The following KIF13A variants were observed in gnomAD, a reference collection of about 807,000 sequenced individuals.
KIF13A encodes the protein kinesin family member 13A, also known as kinesin-like protein KIF13A.
KIF13A carries 79 observed loss-of-function variants against 212.2 expected under a neutral mutation model. The ratio of observed to expected loss-of-function variants is 0.37; its 90% confidence interval spans 0.31 to 0.45. KIF13A has a LOEUF of 0.45. KIF13A is among the 20% of genes least tolerant of loss of function. The pLI, the probability that KIF13A is intolerant of heterozygous loss-of-function variation, is 1.00. For missense variants in KIF13A, 1,901 were observed against 2,209.0 expected (o/e 0.86, Z 2.79); for synonymous variants, 789 against 808.6 (o/e 0.98, Z 0.41).
In KIF13A at chr6:17,838,224, G is replaced by A. The variant is rs1766160933; in HGVS notation, c.831-641C>T. On this transcript the variant is annotated intron_variant, in intron 9 of 38. Transcript: ENST00000259711. This position sits in a 1 kb window ranked among gnomAD's most constrained non-coding sequence, Gnocchi z 4.2. ...TAGTCCCAGCTACTCGGGAGGCTGA[G>A]GCAGGAAAATTGCTTGAACCCGGGA... 6.6e-6 allele frequency among the ~76,000 whole-genome samples: 1 copy of A among 151,148 alleles called. No individual in the cohort carries two copies. The highest frequency in any genetic ancestry group is 1.5e-5 in the Non-Finnish European group (1 of 67,822).
Position 17,764,802 on chromosome 6 carries a change from G to C in KIF13A, c.4726C>G (p.Leu1576Val), listed in dbSNP as rs1445557288. ...TTCTCCAAGACCCGTGAGTTTGACA[G>C]ATCTACTTTAGAGGAAAACCATTCC... Reference protein sequence around the residue: ...NREWFSSKVDLSNSRVLEKEV... With the variant: ...NREWFSSKVDVSNSRVLEKEV... The change falls in exon 39 of 39, where the codon CTG becomes GTG. Residue 1576 changes from leucine to valine, a missense_variant. By Grantham distance (32) the Leu-to-Val change is conservative. Around this residue, in one of 5 missense-constraint regions of KIF13A, gnomAD observed 687 missense variants for 759.1 expected, o/e 0.90. Coordinates refer to ENST00000259711, the MANE Select transcript of KIF13A (RefSeq NM_022113.6). The surrounding 1 kb of genome is among the most constrained non-coding windows in gnomAD (Gnocchi z 5.1). The C allele has an allele frequency of 2.5e-6, 4 of 1,613,340 alleles. No individual in the cohort carries two copies. The highest frequency in any genetic ancestry group is 1.1e-5 in the South Asian group (1 of 90,906).
intron 25 of KIF13A, among the ~76,000 whole-genome samples, 200 bp from the exon 26 acceptor site, chr6:17,790,110 A>C (rs2150318134): frequency 6.6e-6 from 1 of 152,368 alleles, no homozygotes; most frequent in African/African-American, 2.4e-5. Flanking sequence ...ATAAAGAGTC[A>C]TTGAAACATA....
intron 3 of KIF13A, chr6:17,882,088 T>A (rs1402140098): frequency 2.2e-6 from 1 of 456,726 alleles, no homozygotes; most frequent in African/African-American, 2.0e-5. Flanking sequence ...ACCATTTTTC[T>A]GATCCATAAA....
downstream of KIF13A, chr6:17,759,426 G>C (rs1225288903): frequency 6.6e-6 from 1 of 152,028 alleles, no homozygotes; most frequent in African/African-American, 2.4e-5. Flanking sequence ...ATGAACAGCA[G>C]CTTTTCATTA....
At chr6:17,935,341 A>G (rs890936243) in intron 2 of KIF13A, among the ~76,000 whole-genome samples, 2 of 152,136 alleles carry the variant, frequency 1.3e-5, no homozygotes, top group Non-Finnish European at 1.5e-5. Context: ...AAAATTCAGC[A>G]CCACAGAGAC....
At chr6:17,791,526 C>T (rs1400612468) in intron 25 of KIF13A, among the ~76,000 whole-genome samples, 1 of 152,090 alleles carries the variant, frequency 6.6e-6, no homozygotes, top group Non-Finnish European at 1.5e-5. Flanking sequence ...GAGCACATAG[C>T]ACTGGGGAAA....
chr6:17,947,104 C>T lies in KIF13A; in HGVS notation c.146+39950G>A, dbSNP rs1777467171. Among the ~76,000 whole-genome samples, 1 of 151,834 alleles carries T rather than the reference C, an allele frequency of 6.6e-6. No homozygotes were observed. The highest frequency in any genetic ancestry group is 1.5e-5 in the Non-Finnish European group (1 of 67,972). ...CATTCCATTTACAAAAATATTAAAA[C>T]CAGGCAAATATAATATTAAAGTTGT... On this transcript the variant is annotated intron_variant, in intron 2 of 38. Transcript: ENST00000259711. The surrounding 1 kb of genome is among the most constrained non-coding windows in gnomAD (Gnocchi z 4.6).
Position 17,828,263 on chromosome 6 carries a change from A to G in KIF13A, c.1509T>C (p.Thr503=), listed in dbSNP as rs1765146445. The G allele has an allele frequency of 1.2e-6, 2 of 1,610,288 alleles. No homozygotes were observed. Among genetic ancestry groups the G allele is most frequent in the African/African-American group, 1.3e-5 (1 of 75,006 alleles). Residue 503 remains threonine (T), a synonymous_variant, in exon 14 of 39, where the codon ACT becomes ACC. Transcript: ENST00000259711. The surrounding 1 kb of genome is among the most constrained non-coding windows in gnomAD (Gnocchi z 4.3). ...EIDIASDGDV[T]LTPKENARSC... ...ACCTTGCATTTTCTTTTGGAGTGAG[A>G]GTGACGTCTCCATCAGATGCAATGT...
At chr6:17,857,783 C>A (rs1029165021) in intron 4 of KIF13A, among the ~76,000 whole-genome samples, 1 of 152,156 alleles carries the variant, frequency 6.6e-6, no homozygotes, top group African/African-American at 2.4e-5. Flanking sequence ...CACTGCCTGA[C>A]CCACTGTGAA....
At position 17,829,576 on chromosome 6, in the gene KIF13A, C is replaced by CTGTG. The variant is rs1419078892; in HGVS notation, c.1402-1210_1402-1207dup. Reference sequence around the variant, plus strand: ...TACCTGAACCTCAGACATACGAGGACTGTGACTATTGGTGATTCAGCCACT... The same window carrying CTGTG: ...TACCTGAACCTCAGACATACGAGGACTGTGTGTGACTATTGGTGATTCAGCCACT... On this transcript the variant is annotated intron_variant, in intron 13 of 38. Coordinates refer to ENST00000259711, the MANE Select transcript of KIF13A (RefSeq NM_022113.6). The surrounding 1 kb of genome is among the most constrained non-coding windows in gnomAD (Gnocchi z 5.4). Among the ~76,000 whole-genome samples, 1 of 152,188 alleles carries CTGTG rather than the reference C, an allele frequency of 6.6e-6. No individual in the cohort carries two copies. The highest frequency in any genetic ancestry group is 1.5e-5 in the Non-Finnish European group (1 of 68,048).
chr6:17,822,262 C>G (rs966286524), intron 16 of KIF13A, among the ~76,000 whole-genome samples: 2 of 151,976 alleles, frequency 1.3e-5, no homozygotes, highest in African/African-American at 4.8e-5. Context: ...AGGGTGGTCT[C>G]GAACTCCTGA....
At chr6:17,821,910 C>T in intron 16 of KIF13A, 4 of 1,535,388 alleles carry the variant, frequency 2.6e-6, no homozygotes, top group Non-Finnish European at 8.7e-7. Context: ...AGCCACCTAG[C>T]AGTAGAGGGG....
chr6:17,972,742 C>A (rs1179052725), intron 2 of KIF13A, among the ~76,000 whole-genome samples: 2 of 151,732 alleles, frequency 1.3e-5, no homozygotes, highest in Non-Finnish European at 2.9e-5. Context: ...GGAGTGTCTC[C>A]CCAAGACAAT....
At chr6:17,986,232 G>A (rs1781540059) in intron 2 of KIF13A, among the ~76,000 whole-genome samples, 1 of 152,130 alleles carries the variant, frequency 6.6e-6, no homozygotes, top group African/African-American at 2.4e-5. Flanking sequence ...ACAAGCTACT[G>A]CATTATTATA....
At chr6:17,819,075 C>T (rs1280044253) in intron 16 of KIF13A, among the ~76,000 whole-genome samples, 1 of 148,628 alleles carries the variant, frequency 6.7e-6, no homozygotes, top group African/African-American at 2.5e-5. Flanking sequence ...TCTCGGCTCA[C>T]TGCAAGCTCC....
chr6:17,904,360 C>G (rs1773309462), intron 2 of KIF13A, among the ~76,000 whole-genome samples: 1 of 151,990 alleles, frequency 6.6e-6, no homozygotes, highest in African/African-American at 2.4e-5. Context: ...CCCAGCTACT[C>G]AGGAGGCTGA....
chr6:17,798,468 A>C (rs1762224128), intron 22 of KIF13A, among the ~76,000 whole-genome samples: 1 of 152,246 alleles, frequency 6.6e-6, no homozygotes, highest in Non-Finnish European at 1.5e-5. Flanking sequence ...AATGTATGCT[A>C]TTTGTTTTCA....
At chr6:17,893,216 T>C (rs1307013988) in intron 3 of KIF13A, among the ~76,000 whole-genome samples, 1 of 152,208 alleles carries the variant, frequency 6.6e-6, no homozygotes, top group Non-Finnish European at 1.5e-5. Flanking sequence ...AGGATTCCTC[T>C]TCATGTACCT....
chr6:17,952,859 G>A (rs1777993672), intron 2 of KIF13A, among the ~76,000 whole-genome samples: 1 of 151,918 alleles, frequency 6.6e-6, no homozygotes, highest in Non-Finnish European at 1.5e-5. Flanking sequence ...GAACCCGGGA[G>A]GCAGAGCTTG....
Sources: gnomAD v4.1 joint callset for allele counts (sites outside exome capture counted in the v4.1 genomes callset) on GRCh38, gnomAD v4.1.1 for gene constraint, gnomAD v4.1.1 regional missense constraint, Gnocchi (gnomAD v3.1) non-coding constraint, MANE v1.5 for transcripts, NCBI Gene and HGNC (gene_info 2026-07-23, HGNC 2026-07-21) for gene names.